Variants in MYO18B observed in about 807,000 individuals in gnomAD.
MYO18B encodes the protein unconventional myosin-XVIIIb.
A neutral mutation model predicts 273.0 loss-of-function variants in MYO18B; 204 were observed. The ratio of observed to expected loss-of-function variants is 0.75; its 90% confidence interval spans 0.67 to 0.84. The LOEUF (loss-of-function observed/expected upper bound fraction) is 0.84, where lower values mean the gene tolerates loss of function less well. Ranked by LOEUF, MYO18B falls within the 40% of genes least tolerant of loss-of-function variation. The pLI is 0.00. For synonymous variants in MYO18B, 1,330 were observed against 1,305.7 expected, an observed-to-expected ratio of 1.02 and a Z score of -0.40; for missense variants, 3,212 against 3,287.6, an observed-to-expected ratio of 0.98 and a Z score of 0.56.
chr22:25,753,872 G>A (rs544753639), intron 1 of MYO18B, among the ~76,000 whole-genome samples: 52 of 152,326 alleles, frequency 3.4e-4, no homozygotes, highest in African/African-American at 1.2e-3. Context: ...CTCACTGCGA[G>A]GGTCCACGGC....
intron 7 of MYO18B, among the ~76,000 whole-genome samples, chr22:25,776,000 G>A (rs2086899843): frequency 6.6e-6 from 1 of 152,062 alleles, no homozygotes; most frequent in Non-Finnish European, 1.5e-5. Context: ...TCAATTACAT[G>A]ACAGTTCCCG....
chr22:25,749,672 C>G (rs1272354913), intron 1 of MYO18B, among the ~76,000 whole-genome samples: 1 of 152,124 alleles, frequency 6.6e-6, no homozygotes, highest in Admixed American at 6.5e-5. Context: ...GAGGGCATGC[C>G]ACGTGGATGT....
intron 42 of MYO18B, among the ~76,000 whole-genome samples, chr22:26,026,178 C>T (rs563159100): frequency 2.6e-5 from 4 of 152,306 alleles, no homozygotes; most frequent in Admixed American, 2.6e-4. Flanking sequence ...AAATCTAATT[C>T]ATCCGTCCTA....
intron 39 of MYO18B, among the ~76,000 whole-genome samples, chr22:25,972,368 A>G (rs1259107468): frequency 6.6e-6 from 1 of 152,176 alleles, no homozygotes; most frequent in Non-Finnish European, 1.5e-5. Flanking sequence ...ATTATTACTT[A>G]TATAACAGCC....
chr22:25,912,984 T>A (rs73407568), intron 33 of MYO18B, among the ~76,000 whole-genome samples: 2,972 of 152,336 alleles, frequency 0.02, 98 homozygotes, highest in African/African-American at 0.065. Flanking sequence ...TTCATTTTTT[T>A]AAAATCTCCT....
At chr22:25,871,765 G>T (rs2091052049) in intron 22 of MYO18B, among the ~76,000 whole-genome samples, 1 of 151,980 alleles carries the variant, frequency 6.6e-6, no homozygotes, top group African/African-American at 2.4e-5. Flanking sequence ...CTTCTGGTCG[G>T]CAATATGCTC....
At chr22:25,972,206 G>T (rs1267215443) in intron 39 of MYO18B, among the ~76,000 whole-genome samples, 2 of 151,424 alleles carry the variant, frequency 1.3e-5, no homozygotes, top group South Asian at 2.1e-4. Flanking sequence ...ATTTTTCCAT[G>T]AATATATGCA....
chr22:25,982,226 C>G (rs2093156392), intron 39 of MYO18B, among the ~76,000 whole-genome samples: 2 of 152,140 alleles, frequency 1.3e-5, no homozygotes, highest in South Asian at 4.1e-4. Flanking sequence ...GACACAGATC[C>G]AAACCACATC....
rs56749385 is a variant in MYO18B, at chr22:25,745,503, G to A, written c.-110+3210G>A. ...CACACACACACACACACACACACAC[G>A]CACACACATCTCATTCAGTCTGAAG... On this transcript the variant is annotated intron_variant, in intron 1 of 43. Transcript: ENST00000335473. Among the ~76,000 whole-genome samples, 1,009 of 117,052 alleles carry A rather than the reference G, an allele frequency of 8.6e-3. 11 individuals carry two copies. The highest frequency in any genetic ancestry group is 0.027 in the African/African-American group (938 of 34,594). The allele number at this position is 117,052 out of a possible 152,430, so 76.8% of individuals were successfully genotyped here. A position where few individuals can be genotyped will look rare whatever the true frequency, so the allele number is the denominator to read the frequency against.
Position 26,004,801 on chromosome 22 carries a change from C to A in MYO18B, c.6416C>A (p.Thr2139Asn). 6.2e-7 allele frequency: 1 copy of A among 1,613,956 alleles called. No homozygotes were observed. The highest frequency in any genetic ancestry group is 8.5e-7 in the Non-Finnish European group (1 of 1,179,846). The part of the protein sequence containing the change: ...LSCTLSLATD[T>N]MRTPSRQSAT... ...TGTACTCTGTCCCTGGCCACAGATACTATGAGGACTCCTTCTCGACAGTCA... is the reference window on the plus strand; with the variant it reads ...TGTACTCTGTCCCTGGCCACAGATAATATGAGGACTCCTTCTCGACAGTCA... The change falls in exon 42 of 44, where the codon ACT (threonine) becomes AAT (asparagine). Residue 2139 changes from threonine to asparagine, a missense_variant. Physicochemically the swap from Thr to Asn is moderately conservative, Grantham distance 65. Coordinates refer to ENST00000335473, the MANE Select transcript of MYO18B (RefSeq NM_032608.7).
At chr22:26,018,441 C>A (rs1240727858) in intron 42 of MYO18B, among the ~76,000 whole-genome samples, 1 of 152,152 alleles carries the variant, frequency 6.6e-6, no homozygotes, top group South Asian at 2.1e-4. Context: ...CTTTGAACTT[C>A]CCTCTCAGCT....
At chr22:25,791,986 T>C (rs1486278909) in intron 11 of MYO18B, among the ~76,000 whole-genome samples, 2 of 152,202 alleles carry the variant, frequency 1.3e-5, no homozygotes, top group African/African-American at 4.8e-5. Flanking sequence ...TTTGGTACTT[T>C]CGTTCTTCCC....
chr22:25,843,473 A>G (rs942188840), intron 17 of MYO18B, among the ~76,000 whole-genome samples: 26 of 152,212 alleles, frequency 1.7e-4, no homozygotes, highest in African/African-American at 6.3e-4. Context: ...ATATATATAG[A>G]AAAACTCGAG....
intron 25 of MYO18B, among the ~76,000 whole-genome samples, chr22:25,890,541 G>T (rs1269319375): frequency 6.6e-6 from 1 of 152,156 alleles, no homozygotes; most frequent in Admixed American, 6.5e-5. Flanking sequence ...AACCAGCAAG[G>T]CATCCTGCTT....
intron 11 of MYO18B, among the ~76,000 whole-genome samples, chr22:25,787,864 A>C (rs2087469624): frequency 6.6e-6 from 1 of 152,138 alleles, no homozygotes; most frequent in South Asian, 2.1e-4. Context: ...AAATTACCTC[A>C]GCACTGATTT....
Position 25,791,944 on chromosome 22 carries a change from G to A in MYO18B, c.2377-6009G>A, listed in dbSNP as rs370916397. Among the ~76,000 whole-genome samples, 213 of 152,322 alleles carry A rather than the reference G, an allele frequency of 1.4e-3. 9 individuals carry two copies. The South Asian group carries it at 0.043, about 31-fold the overall frequency. ...CACACAGCTTTTAAGTGGTGGAGTC[G>A]GGACTGGGATCCAGGTTGGCCTGAC... is the stretch of plus-strand genomic sequence containing the variant. On this transcript the variant is annotated intron_variant, in intron 11 of 43. Coordinates refer to ENST00000335473, the MANE Select transcript of MYO18B (RefSeq NM_032608.7).
intron 21 of MYO18B, among the ~76,000 whole-genome samples, chr22:25,854,114 T>C (rs960399320): frequency 6.6e-6 from 1 of 152,158 alleles, no homozygotes; most frequent in Non-Finnish European, 1.5e-5. Flanking sequence ...GGGGATTCAT[T>C]GTCAGGGTGT....
In MYO18B at chr22:25,903,567, T is replaced by A; in HGVS notation, c.4948-64T>A. 8 of 1,492,888 alleles carry A rather than the reference T, an allele frequency of 5.4e-6. No individual in the cohort carries two copies. In the Admixed American group the frequency reaches 1.4e-4, roughly 26 times the overall value. The allele number at this position is 1,492,888 out of a possible 1,614,324, so 92.5% of individuals were successfully genotyped here. On this transcript the variant is annotated intron_variant, in intron 30 of 43. Coordinates refer to ENST00000335473, the MANE Select transcript of MYO18B (RefSeq NM_032608.7). ...CCAGCCCCAGTTGGTTGTAGAGGTA[T>A]CCCTGGGGGAGGAGGGAGGCATACT...
intron 11 of MYO18B, among the ~76,000 whole-genome samples, chr22:25,792,477 GTTTCTTTTTTTTTTCT>G (rs1424663200): frequency 2.6e-4 from 17 of 65,742 alleles, no homozygotes; most frequent in Non-Finnish European, 5.2e-4. Context: ...CCTATGTGAT[GTTTCTTTTTTTTTTCT>G]TTTCTTTTTT....
Sources: allele counts gnomAD v4.1 joint callset (sites outside exome capture counted in the v4.1 genomes callset), GRCh38; gene constraint gnomAD v4.1.1; transcripts MANE v1.5; gene names NCBI Gene and HGNC (gene_info 2026-07-23, HGNC 2026-07-21).